ZSCAN32: variants seen among roughly 807,000 people sequenced by gnomAD.
The protein encoded by ZSCAN32 is zinc finger and SCAN domain containing 32.
In ZSCAN32, 52 loss-of-function variants were observed where a neutral mutation model predicts 47.4. That is an observed-to-expected ratio of 1.10 (90% confidence interval 0.88 to 1.38). The LOEUF is 1.38. Ranked by LOEUF, ZSCAN32 falls within the 40% of genes most tolerant of loss-of-function variation. ZSCAN32 has a pLI of 0.00. For missense variants in ZSCAN32, 959 were observed against 846.0 expected, an observed-to-expected ratio of 1.13 and a Z score of -1.66; for synonymous variants, 346 against 305.7, an observed-to-expected ratio of 1.13 and a Z score of -1.38.
intron 3 of ZSCAN32, among the ~76,000 whole-genome samples, chr16:3,391,521 T>C (rs2032695958): frequency 6.7e-6 from 1 of 149,034 alleles, no homozygotes. Context: ...CTACTAAAAA[T>C]ACAAAAAATT....
At position 3,383,626 on chromosome 16, in the gene ZSCAN32, T is replaced by C. The variant is rs2031544031; in HGVS notation, c.1320A>G (p.Arg440=). 2 of 1,613,258 alleles carry C rather than the reference T, an allele frequency of 1.2e-6. No individual in the cohort carries two copies. Among genetic ancestry groups the C allele is most frequent in the African/African-American group, 1.3e-5 (1 of 74,912 alleles). ...AGTGCCAATAAACTCCTCTGGACTTTCTCTGTAAAGCCTTGTTTATTTCTA... is the reference window on the plus strand; with the variant it reads ...AGTGCCAATAAACTCCTCTGGACTTCCTCTGTAAAGCCTTGTTTATTTCTA... ...EEVEINKALQ[R]KSRGVYWHSE... The change falls in exon 7 of 7, where the codon AGA becomes AGG. Residue 440 remains arginine (R), a synonymous_variant. Transcript: ENST00000396852.
intron 5 of ZSCAN32, among the ~76,000 whole-genome samples, chr16:3,386,853 C>A (rs544426419): frequency 5.3e-5 from 8 of 150,848 alleles, no homozygotes; most frequent in East Asian, 3.9e-4. Flanking sequence ...ATGACGAGTT[C>A]ATGGGTGCAG....
intron 5 of ZSCAN32, among the ~76,000 whole-genome samples, chr16:3,389,138 G>C (rs27235): frequency 0.26 from 39,117 of 152,174 alleles, 5,144 homozygotes; most frequent in African/African-American, 0.28. Context: ...CAACTGGACA[G>C]AGATGAGGTG....
In ZSCAN32 at chr16:3,383,415, G is replaced by T; in HGVS notation, c.1531C>A (p.His511Asn). 1 of 1,614,148 alleles carries T rather than the reference G, an allele frequency of 6.2e-7. No homozygotes were observed. The highest frequency in any genetic ancestry group is 1.3e-5 in the African/African-American group (1 of 75,034). The change falls in exon 7 of 7, where the codon CAC becomes AAC. Residue 511 changes from histidine to asparagine, a missense_variant. By Grantham distance (68) the His-to-Asn change is moderately conservative (BLOSUM62 1). Transcript: ENST00000396852. The stretch of plus-strand genomic sequence containing the variant: ...TTTTCCAGTTTGAGCGCTGGCTTGT[G>T]GGGAGAGTGCACACTCTGAGAGCAG... ...KNCSQSVHSP[H>N]KPALKLEKVS...
chr16:3,382,564 T>G lies in ZSCAN32; in HGVS notation c.*288A>C. ...GTGTTCTTGGACCACTGGGTGCCCA[T>G]TCTCAGTGCTAGGAACAGGAAGACC... On this transcript the variant is annotated 3_prime_UTR_variant, in exon 7 of 7. Coordinates refer to ENST00000396852, the MANE Select transcript of ZSCAN32 (RefSeq NM_001284527.2). The G allele has an allele frequency of 3.7e-6, 1 of 269,262 alleles. No individual in the cohort carries two copies. The highest frequency in any genetic ancestry group is 6.9e-6 in the Non-Finnish European group (1 of 144,148). 16.7% of individuals were successfully genotyped at this position (269,262 alleles called of 1,614,324 possible). A position where few individuals can be genotyped will look rare whatever the true frequency, so the allele number is the denominator to read the frequency against.
chr16:3,397,318 C>G lies in ZSCAN32; in HGVS notation c.240G>C (p.Leu80=). The G allele has an allele frequency of 6.4e-7, 1 of 1,569,358 alleles. No individual in the cohort carries two copies. The highest frequency in any genetic ancestry group is 8.6e-7 in the Non-Finnish European group (1 of 1,157,254). The change falls in exon 2 of 7, where the codon CTG becomes CTC. Residue 80 remains leucine (L), a synonymous_variant. Transcript: ENST00000396852. ...THSKEEILEL[L]VLEQFLTILP... ...AGATAGTCAGAAACTGCTCCAAAACCAGCAGCTCCAGGATTTCCTCTTTTG... is the reference window on the plus strand; with the variant it reads ...AGATAGTCAGAAACTGCTCCAAAACGAGCAGCTCCAGGATTTCCTCTTTTG...
rs1452783670 is a variant in ZSCAN32 at position 3,382,161 on chromosome 16, T to C, written c.*691A>G. 6.6e-6 allele frequency: 1 copy of C among 152,238 alleles called. No homozygotes were observed. The highest frequency in any genetic ancestry group is 2.4e-5 in the African/African-American group (1 of 41,450). The allele number at this position is 152,238 out of a possible 1,614,324, so 9.4% of individuals were successfully genotyped here. ...TTGTTTATAGTAGTTTGTAAATTAT[T>C]ATCAGAAATAGTAATGTCTATAAAC... On this transcript the variant is annotated 3_prime_UTR_variant, in exon 7 of 7. Coordinates refer to ENST00000396852, the MANE Select transcript of ZSCAN32 (RefSeq NM_001284527.2).
rs1456413121 is a variant in ZSCAN32 at position 3,397,599 on chromosome 16, C to T, written c.-42G>A. 2 of 1,473,964 alleles carry T rather than the reference C, an allele frequency of 1.4e-6. No individual in the cohort carries two copies. Among genetic ancestry groups the T allele is most frequent in the South Asian group, 2.8e-5 (2 of 71,706 alleles). 91.3% of individuals were successfully genotyped at this position (1,473,964 alleles called of 1,614,324 possible). ...GCTTACTCTGGTTGCCACTTCTACC[C>T]TGGAGATCAGAGTCCATCTTTCCCA... On this transcript the variant is annotated 5_prime_UTR_variant, in exon 2 of 7. Transcript: ENST00000396852.
intron 5 of ZSCAN32, 34 bp from the exon 6 acceptor site, chr16:3,384,975 C>T (rs1208121325): frequency 1.9e-6 from 3 of 1,590,842 alleles, no homozygotes; most frequent in Non-Finnish European, 2.6e-6. Context: ...TTAGATCTGT[C>T]AGTTAGATCA....
Position 3,383,316 on chromosome 16 carries a change from T to G in ZSCAN32, c.1630A>C (p.Thr544Pro), listed in dbSNP as rs1314384001. The change falls in exon 7 of 7, where the codon ACA becomes CCA. Residue 544 changes from threonine to proline, a missense_variant. Physicochemically the swap from Thr to Pro is conservative, Grantham distance 38 (BLOSUM62 -1). Transcript: ENST00000396852. ...SYLVRHQRIH[T>P]GEKPHKCSEC... Reference sequence around the variant, plus strand: ...CTGCACTTGTGAGGCTTCTCGCCTGTGTGGATTCTTTGATGCCGAACAAGA... The same window carrying G: ...CTGCACTTGTGAGGCTTCTCGCCTGGGTGGATTCTTTGATGCCGAACAAGA... 1 of 1,614,242 alleles carries G rather than the reference T, an allele frequency of 6.2e-7. No individual in the cohort carries two copies. The highest frequency in any genetic ancestry group is 1.1e-5 in the South Asian group (1 of 91,088).
At chr16:3,397,819 TCCCTTTC>T in intron 1 of ZSCAN32, 75 bp from the exon 2 acceptor site, 1 of 359,160 alleles carries the variant, frequency 2.8e-6, no homozygotes, top group South Asian at 5.2e-5. Context: ...TTACTTCCTA[TCCCTTTC>T]CTTTACTCCC....
At chr16:3,385,853 C>G (rs1162945442) in intron 5 of ZSCAN32, among the ~76,000 whole-genome samples, 2 of 152,266 alleles carry the variant, frequency 1.3e-5, no homozygotes, top group East Asian at 3.9e-4. Flanking sequence ...AGAAGAAAAC[C>G]TAGGCATTAC....
At position 3,400,503 on chromosome 16, in the gene ZSCAN32, C is replaced by T. The variant is rs575368057; in HGVS notation, c.-188+442G>A. Among the ~76,000 whole-genome samples, 12 of 152,310 alleles carry T rather than the reference C, an allele frequency of 7.9e-5. No homozygotes were observed. In the South Asian group the frequency reaches 2.5e-3, roughly 32 times the overall value. On this transcript the variant is annotated intron_variant, in intron 1 of 6. Coordinates refer to ENST00000396852, the MANE Select transcript of ZSCAN32 (RefSeq NM_001284527.2). ...CCACTCATCGTTAAATTTTAAAATG[C>T]TGTTCTCTGAAAATTTTACTTCACT...
At position 3,382,975 on chromosome 16, in the gene ZSCAN32, A is replaced by T. The variant is rs201061122; in HGVS notation, c.1971T>A (p.Gly657=). 7.4e-5 allele frequency: 119 copies of T among 1,613,784 alleles called. No individual in the cohort carries two copies. The highest frequency in any genetic ancestry group is 1.0e-5 in the Non-Finnish European group (12 of 1,179,942). ...HFSAHRKTHT[G]EKPYRCSHCE... ...AGTGAGAACACCTGTAAGGCTTTTC[A>T]CCAGTGTGGGTTTTTCGGTGGGCAC... Residue 657 remains glycine (G), a synonymous_variant, in exon 7 of 7, where the codon GGT becomes GGA. Transcript: ENST00000396852.
At chr16:3,389,893 T>C in intron 5 of ZSCAN32, 117 bp downstream of exon 5, 1 of 1,096,434 alleles carries the variant, frequency 9.1e-7, no homozygotes, top group Non-Finnish European at 1.3e-6. Context: ...TACTTCCTCC[T>C]TTCCCTCCAC....
intron 6 of ZSCAN32, 82 bp downstream of exon 6, chr16:3,384,377 C>T: frequency 6.4e-7 from 1 of 1,556,274 alleles, no homozygotes; most frequent in South Asian, 1.2e-5. Flanking sequence ...GGATCAGTGA[C>T]AGCTCCTACT....
At position 3,397,257 on chromosome 16, in the gene ZSCAN32, G is replaced by A; in HGVS notation, c.301C>T (p.His101Tyr). ...ACAGCTTCCTCGCCGTTTTCTGGAT[G>A]CTGCTCCCTCACCCAGGTCTGGATC... ...EEIQTWVREQ[H>Y]PENGEEAVAL... Residue 101 changes from histidine (H) to tyrosine (Y), a missense_variant, in exon 2 of 7, where the codon CAT (histidine) becomes TAT (tyrosine). By Grantham distance (83) the His-to-Tyr change is moderately conservative. Coordinates refer to ENST00000396852, the MANE Select transcript of ZSCAN32 (RefSeq NM_001284527.2). 6.4e-7 allele frequency: 1 copy of A among 1,566,378 alleles called. No individual in the cohort carries two copies. The highest frequency in any genetic ancestry group is 8.7e-7 in the Non-Finnish European group (1 of 1,155,660).
At chr16:3,394,234 C>G (rs1264580488) in intron 2 of ZSCAN32, among the ~76,000 whole-genome samples, 2 of 152,100 alleles carry the variant, frequency 1.3e-5, no homozygotes, top group African/African-American at 4.8e-5. Flanking sequence ...CCACTGCACT[C>G]CAGCGTGGAC....
Position 3,393,753 on chromosome 16 carries a change from GT to G in ZSCAN32, c.427del (p.Thr143ProfsTer5), listed in dbSNP as rs1567321469. 1.3e-6 allele frequency: 2 copies of G among 1,550,282 alleles called. No individual in the cohort carries two copies. Among genetic ancestry groups the G allele is most frequent in the Non-Finnish European group, 1.7e-6 (2 of 1,146,858 alleles). Reference protein sequence around the residue: ...LMKEMAPLGATRESLRSQWKQ... With the variant: ...LMKEMAPLGAXRESLRSQWKQ... The stretch of plus-strand genomic sequence containing the variant: ...CCATTGGGATCTCAGTGATTCTCTG[GT>G]TGCTCCCAAAGGGGCCATCTCCTTC... On this transcript the variant is annotated frameshift_variant, in exon 3 of 7. Transcript: ENST00000396852. LOFTEE classifies it high-confidence loss of function.
Sources: allele counts gnomAD v4.1 joint callset (sites outside exome capture counted in the v4.1 genomes callset), GRCh38; gene constraint gnomAD v4.1.1; transcripts MANE v1.5; gene names NCBI Gene and HGNC (gene_info 2026-07-23, HGNC 2026-07-21).